The following TAAR6 variants were observed in gnomAD, a reference collection of about 807,000 sequenced individuals.
TAAR6 encodes trace amine associated receptor 6.
In TAAR6, 15 loss-of-function variants were observed where a neutral mutation model predicts 18.4. That is an observed-to-expected ratio of 0.82 (90% CI 0.55 to 1.26). TAAR6 has a LOEUF of 1.26. TAAR6 is among the 50% of genes most tolerant of loss of function. The pLI is 0.00. For synonymous variants in TAAR6, 192 were observed against 162.4 expected, an observed-to-expected ratio of 1.18 and a Z score of -1.39; for missense variants, 501 against 415.9, an observed-to-expected ratio of 1.20 and a Z score of -1.78.
rs1245253827 is a variant in TAAR6, at chr6:132,570,880, A to G, written c.559A>G (p.Ile187Val). ...LEELSDALNC[I>V]GGCQTVVNQN... Reference sequence around the variant, plus strand: ...GGAATTATCTGATGCCCTAAACTGTATAGGAGGTTGTCAGACCGTTGTAAA... The same window carrying G: ...GGAATTATCTGATGCCCTAAACTGTGTAGGAGGTTGTCAGACCGTTGTAAA... Residue 187 changes from isoleucine to valine, a missense_variant, in exon 1 of 1, where the codon ATA (isoleucine) becomes GTA (valine). Ile to Val is a conservative substitution (Grantham distance 29). Coordinates refer to ENST00000275198, the MANE Select transcript of TAAR6 (RefSeq NM_175067.1). 2 of 1,614,164 alleles carry G rather than the reference A, an allele frequency of 1.2e-6. No homozygotes were observed. The highest frequency in any genetic ancestry group is 1.1e-5 in the South Asian group (1 of 91,082).
At position 132,571,274 on chromosome 6, in the gene TAAR6, T is replaced by C. The variant is rs1349250743; in HGVS notation, c.953T>C (p.Phe318Ser). 1.2e-6 allele frequency: 2 copies of C among 1,614,080 alleles called. No individual in the cohort carries two copies. Among genetic ancestry groups the C allele is most frequent in the Admixed American group, 3.3e-5 (2 of 60,008 alleles). ...PLIYALFYPW[F>S]RKAIKVIVTG... is the part of the protein sequence containing the mutation. ...ATTTATGCTTTATTTTACCCATGGT[T>C]TAGGAAAGCAATAAAAGTTATTGTA... Residue 318 changes from phenylalanine to serine, a missense_variant, in exon 1 of 1, where the codon TTT (phenylalanine) becomes TCT (serine). Transcript: ENST00000275198.
chr6:132,570,859 T>A lies in TAAR6; in HGVS notation c.538T>A (p.Leu180Ile). Reference sequence around the variant, plus strand: ...TGTCTATGACGATGGGCTGGAGGAATTATCTGATGCCCTAAACTGTATAGG... The same window carrying A: ...TGTCTATGACGATGGGCTGGAGGAAATATCTGATGCCCTAAACTGTATAGG... ...TGVYDDGLEE[L>I]SDALNCIGGC... The change falls in exon 1 of 1, where the codon TTA becomes ATA. Residue 180 changes from leucine to isoleucine, a missense_variant. Transcript: ENST00000275198. The A allele has an allele frequency of 6.2e-7, 1 of 1,614,166 alleles. No homozygotes were observed. Among genetic ancestry groups the A allele is most frequent in the Non-Finnish European group, 8.5e-7 (1 of 1,180,014 alleles).
Position 132,570,505 on chromosome 6 carries a change from C to G in TAAR6, c.184C>G (p.Gln62Glu). 1 of 1,613,918 alleles carries G rather than the reference C, an allele frequency of 6.2e-7. No homozygotes were observed. Among genetic ancestry groups the G allele is most frequent in the Non-Finnish European group, 8.5e-7 (1 of 1,179,974 alleles). The change falls in exon 1 of 1, where the codon CAG (glutamine) becomes GAG (glutamate). Residue 62 changes from glutamine to glutamate, a missense_variant. Coordinates refer to ENST00000275198, the MANE Select transcript of TAAR6 (RefSeq NM_175067.1). The part of the protein sequence containing the change: ...LVMISILHFK[Q>E]LHSPTNFLVA... The stretch of plus-strand genomic sequence containing the variant: ...GATGATTTCAATCCTCCATTTCAAG[C>G]AGCTGCACTCTCCGACCAATTTTCT...
In TAAR6 at chr6:132,570,415, C is replaced by T. The variant is rs763571091; in HGVS notation, c.94C>T (p.Arg32Trp). ...GAAAATCCCCTTCTCGCCGGGATCC[C>T]GGGTGATTCTGTACATAGTGTTTGG... is the stretch of plus-strand genomic sequence containing the variant. The part of the protein sequence containing the change: ...CVKIPFSPGS[R>W]VILYIVFGFG... The change falls in exon 1 of 1, where the codon CGG becomes TGG. Residue 32 changes from arginine to tryptophan, a missense_variant. Coordinates refer to ENST00000275198, the MANE Select transcript of TAAR6 (RefSeq NM_175067.1). 2.5e-6 allele frequency: 4 copies of T among 1,613,868 alleles called. No homozygotes were observed. Among genetic ancestry groups the T allele is most frequent in the South Asian group, 2.2e-5 (2 of 91,084 alleles).
rs148095973 is a variant in TAAR6, at chr6:132,571,013, T to A, written c.692T>A (p.Ile231Lys). ...GTGGCTAGACGACAGGCGAAAAAGA[T>A]AGAAAATACTGGTAGCAAGACAGAA... ...FLVARRQAKK[I>K]ENTGSKTESS... is the part of the protein sequence containing the mutation. The change falls in exon 1 of 1, where the codon ATA (isoleucine) becomes AAA (lysine). Residue 231 changes from isoleucine to lysine, a missense_variant. Physicochemically the swap from Ile to Lys is moderately radical, Grantham distance 102. Transcript: ENST00000275198. 1 of 1,614,054 alleles carries A rather than the reference T, an allele frequency of 6.2e-7. No individual in the cohort carries two copies. Among genetic ancestry groups the A allele is most frequent in the African/African-American group, 1.3e-5 (1 of 75,030 alleles).
rs759803881 is a variant in TAAR6 at position 132,570,750 on chromosome 6, G to A, written c.429G>A (p.Lys143=). 2 of 1,614,102 alleles carry A rather than the reference G, an allele frequency of 1.2e-6. No individual in the cohort carries two copies. Among genetic ancestry groups the A allele is most frequent in the South Asian group, 1.1e-5 (1 of 91,082 alleles). Reference sequence around the variant, plus strand: ...CTGACCCCCTGGTCTATCCTACCAAGTTCACCGTATCTGTGTCAGGAATTT... The same window carrying A: ...CTGACCCCCTGGTCTATCCTACCAAATTCACCGTATCTGTGTCAGGAATTT... ...AVTDPLVYPT[K]FTVSVSGICI... Residue 143 remains lysine (K), a synonymous_variant, in exon 1 of 1, where the codon AAG becomes AAA. Coordinates refer to ENST00000275198, the MANE Select transcript of TAAR6 (RefSeq NM_175067.1).
chr6:132,570,768 A>C lies in TAAR6; in HGVS notation c.447A>C (p.Ser149=), dbSNP rs201176105. ...CTACCAAGTTCACCGTATCTGTGTC[A>C]GGAATTTGCATCAGCGTGTCCTGGA... ...VYPTKFTVSV[S]GICISVSWIL... The change falls in exon 1 of 1, where the codon TCA becomes TCC. Residue 149 remains serine (S), a synonymous_variant. Transcript: ENST00000275198. 1 of 1,614,098 alleles carries C rather than the reference A, an allele frequency of 6.2e-7. No individual in the cohort carries two copies. Among genetic ancestry groups the C allele is most frequent in the Non-Finnish European group, 8.5e-7 (1 of 1,179,996 alleles).
rs1322929234 is a variant in TAAR6, at chr6:132,570,546, C to T, written c.225C>T (p.Ala75=). The change falls in exon 1 of 1, where the codon GCC becomes GCT. Residue 75 remains alanine, a synonymous_variant. Transcript: ENST00000275198. ...SPTNFLVASL[A]CADFLVGVTV... ...CCAATTTTCTCGTTGCCTCTCTGGC[C>T]TGCGCTGATTTCTTGGTGGGTGTGA... The T allele has an allele frequency of 6.2e-7, 1 of 1,613,936 alleles. No homozygotes were observed. The highest frequency in any genetic ancestry group is 1.3e-5 in the African/African-American group (1 of 74,894).
chr6:132,570,747 C>G lies in TAAR6; in HGVS notation c.426C>G (p.Thr142=). The G allele has an allele frequency of 6.2e-7, 1 of 1,614,116 alleles. No individual in the cohort carries two copies. Among genetic ancestry groups the G allele is most frequent in the Non-Finnish European group, 8.5e-7 (1 of 1,179,994 alleles). Residue 142 remains threonine (T), a synonymous_variant, in exon 1 of 1, where the codon ACC becomes ACG. Transcript: ENST00000275198. Reference sequence around the variant, plus strand: ...TTACTGACCCCCTGGTCTATCCTACCAAGTTCACCGTATCTGTGTCAGGAA... The same window carrying G: ...TTACTGACCCCCTGGTCTATCCTACGAAGTTCACCGTATCTGTGTCAGGAA... ...IAVTDPLVYP[T]KFTVSVSGIC...
At position 132,570,710 on chromosome 6, in the gene TAAR6, G is replaced by A; in HGVS notation, c.389G>A (p.Arg130Lys). 6.2e-7 allele frequency: 1 copy of A among 1,614,084 alleles called. No individual in the cohort carries two copies. The highest frequency in any genetic ancestry group is 1.1e-5 in the South Asian group (1 of 91,074). ...CACTTGTGCTTCATCTCCATCGACA[G>A]GTACATTGCGGTTACTGACCCCCTG... ...LFHLCFISID[R>K]YIAVTDPLVY... Residue 130 changes from arginine to lysine, a missense_variant, in exon 1 of 1, where the codon AGG becomes AAG. Transcript: ENST00000275198.
In TAAR6 at chr6:132,571,243, C is replaced by A. The variant is rs139640806; in HGVS notation, c.922C>A (p.Pro308Thr). The change falls in exon 1 of 1, where the codon CCT (proline) becomes ACT (threonine). Residue 308 changes from proline to threonine, a missense_variant. By Grantham distance (38) the Pro-to-Thr change is conservative. Transcript: ENST00000275198. ...WCAYYNSAMNPLIYALFYPWF... is the reference protein window; with the variant it reads ...WCAYYNSAMNTLIYALFYPWF... ...TGCTTATTATAACTCAGCCATGAAT[C>A]CTTTGATTTATGCTTTATTTTACCC... The A allele has an allele frequency of 8.1e-6, 13 of 1,613,812 alleles. No homozygotes were observed. In the Admixed American group the frequency reaches 1.3e-4, roughly 17 times the overall value.
rs775937188 is a variant in TAAR6 at position 132,570,554 on chromosome 6, A to G, written c.233A>G (p.Asp78Gly). 6.2e-7 allele frequency: 1 copy of G among 1,613,764 alleles called. No individual in the cohort carries two copies. Among genetic ancestry groups the G allele is most frequent in the Non-Finnish European group, 8.5e-7 (1 of 1,179,940 alleles). The change falls in exon 1 of 1, where the codon GAT (aspartate) becomes GGT (glycine). Residue 78 changes from aspartate (D) to glycine (G), a missense_variant. Physicochemically the swap from Asp to Gly is moderately conservative, Grantham distance 94. Coordinates refer to ENST00000275198, the MANE Select transcript of TAAR6 (RefSeq NM_175067.1). The stretch of plus-strand genomic sequence containing the variant: ...CTCGTTGCCTCTCTGGCCTGCGCTG[A>G]TTTCTTGGTGGGTGTGACTGTGATG... ...NFLVASLACA[D>G]FLVGVTVMPF...
rs1483518565 is a variant in TAAR6, at chr6:132,570,725, C to T, written c.404C>T (p.Thr135Ile). The T allele has an allele frequency of 3.7e-6, 6 of 1,614,022 alleles. No individual in the cohort carries two copies. Among genetic ancestry groups the T allele is most frequent in the Non-Finnish European group, 4.2e-6 (5 of 1,180,004 alleles). ...FISIDRYIAV[T>I]DPLVYPTKFT... is the part of the protein sequence containing the mutation. ...TCCATCGACAGGTACATTGCGGTTA[C>T]TGACCCCCTGGTCTATCCTACCAAG... The change falls in exon 1 of 1, where the codon ACT becomes ATT. Residue 135 changes from threonine (T) to isoleucine (I), a missense_variant. Coordinates refer to ENST00000275198, the MANE Select transcript of TAAR6 (RefSeq NM_175067.1).
Position 132,570,348 on chromosome 6 carries a change from G to GGCTGTGCA in TAAR6, c.35_42dup (p.Tyr15SerfsTer7), listed in dbSNP as rs1562180569. The GGCTGTGCA allele has an allele frequency of 1.2e-6, 2 of 1,611,296 alleles. No homozygotes were observed. Among genetic ancestry groups the GGCTGTGCA allele is most frequent in the Middle Eastern group, 1.7e-4 (1 of 6,050 alleles). On this transcript the variant is annotated frameshift_variant, in exon 1 of 1. Coordinates refer to ENST00000275198, the MANE Select transcript of TAAR6 (RefSeq NM_175067.1). LOFTEE classifies it low-confidence loss of function (END_TRUNC). ...TGAGCAGCAATTCATCCCTGCTGGT[G>GGCTGTGCA]GCTGTGCAGCTGTGCTACGCGAACG...
At position 132,571,164 on chromosome 6, in the gene TAAR6, TGCCTTTATGG is replaced by T; in HGVS notation, c.846_855del (p.Phe283LeufsTer2). On this transcript the variant is annotated frameshift_variant, in exon 1 of 1. Transcript: ENST00000275198. LOFTEE classifies it high-confidence loss of function. The stretch of plus-strand genomic sequence containing the variant: ...CATATAGCATTGATTCATTAATTGA[TGCCTTTATGG>T]GCTTTATAACCCCTGCCTGTATTTA... 1 of 1,614,128 alleles carries T rather than the reference TGCCTTTATGG, an allele frequency of 6.2e-7. No individual in the cohort carries two copies. The highest frequency in any genetic ancestry group is 8.5e-7 in the Non-Finnish European group (1 of 1,179,982).
chr6:132,570,785 T>TGTCCTGGATCCTGCCCCTCATGTACAGCG lies in TAAR6; in HGVS notation c.467_495dup (p.Ala166ProfsTer29), dbSNP rs1776633287. 1 of 1,614,038 alleles carries TGTCCTGGATCCTGCCCCTCATGTACAGCG rather than the reference T, an allele frequency of 6.2e-7. No homozygotes were observed. The highest frequency in any genetic ancestry group is 8.5e-7 in the Non-Finnish European group (1 of 1,180,008). On this transcript the variant is annotated frameshift_variant, in exon 1 of 1. Transcript: ENST00000275198. LOFTEE classifies it high-confidence loss of function. ...TCTGTGTCAGGAATTTGCATCAGCG[T>TGTCCTGGATCCTGCCCCTCATGTACAGCG]GTCCTGGATCCTGCCCCTCATGTAC...
rs149021783 is a variant in TAAR6, at chr6:132,570,613, T to A, written c.292T>A (p.Trp98Arg). Residue 98 changes from tryptophan (W) to arginine (R), a missense_variant, in exon 1 of 1, where the codon TGG (tryptophan) becomes AGG (arginine). Transcript: ENST00000275198. ...FSMVRTVESC[W>R]YFGRSFCTFH... ...CATGGTCAGGACGGTGGAGAGCTGC[T>A]GGTATTTTGGGAGGAGTTTTTGTAC... is the stretch of plus-strand genomic sequence containing the variant. 1.7e-4 allele frequency: 274 copies of A among 1,614,100 alleles called. No homozygotes were observed. Among genetic ancestry groups the A allele is most frequent in the Middle Eastern group, 6.6e-4 (4 of 6,062 alleles).
chr6:132,570,815 G>C lies in TAAR6; in HGVS notation c.494G>C (p.Gly165Ala). The change falls in exon 1 of 1, where the codon GGT becomes GCT. Residue 165 changes from glycine to alanine, a missense_variant. Transcript: ENST00000275198. Reference protein sequence around the residue: ...VSWILPLMYSGAVFYTGVYDD... With the variant: ...VSWILPLMYSAAVFYTGVYDD... ...TGGATCCTGCCCCTCATGTACAGCG[G>C]TGCTGTGTTCTACACAGGTGTCTAT... is the stretch of plus-strand genomic sequence containing the variant. The C allele has an allele frequency of 6.2e-7, 1 of 1,614,034 alleles. No homozygotes were observed. The highest frequency in any genetic ancestry group is 8.5e-7 in the Non-Finnish European group (1 of 1,179,994).
rs117814299 is a variant in TAAR6 at position 132,570,483 on chromosome 6, G to A, written c.162G>A (p.Met54Ile). The change falls in exon 1 of 1, where the codon ATG becomes ATA. Residue 54 changes from methionine to isoleucine, a missense_variant. By Grantham distance (10) the Met-to-Ile change is conservative. Transcript: ENST00000275198. ...CTGTGTTTGGAAACCTCCTGGTGATGATTTCAATCCTCCATTTCAAGCAGC... is the reference window on the plus strand; with the variant it reads ...CTGTGTTTGGAAACCTCCTGGTGATAATTTCAATCCTCCATTTCAAGCAGC... ...VLAVFGNLLV[M>I]ISILHFKQLH... The A allele has an allele frequency of 4.0e-3, 6,391 of 1,613,904 alleles. 210 individuals are homozygous for A. In the Admixed American group the frequency reaches 0.054, roughly 14 times the overall value.
Sources: gnomAD v4.1 joint callset for allele counts on GRCh38, gnomAD v4.1.1 for gene constraint, MANE v1.5 for transcripts, NCBI Gene and HGNC (gene_info 2026-07-23, HGNC 2026-07-21) for gene names.